MBD5: variants seen among roughly 807,000 people sequenced by gnomAD.
MBD5 encodes methyl-CpG-binding domain protein 5.
A neutral mutation model predicts 117.3 loss-of-function variants in MBD5; 13 were observed. The observed-to-expected ratio is 0.11, with a 90% CI of 0.07 to 0.18. The LOEUF is 0.18. MBD5 is among the 10% of genes least tolerant of loss of function. MBD5 has a pLI of 1.00. For missense variants in MBD5, 1,879 were observed against 2,093.8 expected (o/e 0.90, Z 2.00); for synonymous variants, 727 against 766.4 (o/e 0.95, Z 0.85).
chr2:148,426,679 G>T (rs886946061), intron 4 of MBD5, among the ~76,000 whole-genome samples: 1 of 152,086 alleles, frequency 6.6e-6, no homozygotes, highest in African/African-American at 2.4e-5. Context: ...TTACATGTTA[G>T]ACCTAAAACC....
chr2:148,420,100 G>T (rs1320673551), intron 4 of MBD5, among the ~76,000 whole-genome samples: 1 of 152,060 alleles, frequency 6.6e-6, no homozygotes, highest in Non-Finnish European at 1.5e-5. Context: ...ATACAAAATT[G>T]TTTTGAATTG....
intron 4 of MBD5, among the ~76,000 whole-genome samples, chr2:148,420,071 A>C (rs1705553588): frequency 6.6e-6 from 1 of 152,188 alleles, no homozygotes; most frequent in South Asian, 2.1e-4. Context: ...CCATTATGAC[A>C]TTAACCTTTT....
At chr2:148,181,912 A>G (rs1698542298) in intron 2 of MBD5, among the ~76,000 whole-genome samples, 1 of 151,946 alleles carries the variant, frequency 6.6e-6, no homozygotes, top group Non-Finnish European at 1.5e-5. Flanking sequence ...CTTTGTCCTA[A>G]CTATATTGCT....
At chr2:148,327,459 C>G (rs1304423485) in intron 3 of MBD5, among the ~76,000 whole-genome samples, 1 of 152,154 alleles carries the variant, frequency 6.6e-6, no homozygotes, top group African/African-American at 2.4e-5. Context: ...TTCCATTCTC[C>G]CCATCACTTT....
intron 11 of MBD5, among the ~76,000 whole-genome samples, chr2:148,497,655 C>G (rs1405500872): frequency 6.6e-6 from 1 of 151,974 alleles, no homozygotes; most frequent in Non-Finnish European, 1.5e-5. Context: ...CATGGTGGTG[C>G]ACCCCTATAA....
chr2:148,219,830 A>G (rs1240393507), intron 2 of MBD5: 1 of 152,224 alleles, frequency 6.6e-6, no homozygotes, highest in Non-Finnish European at 1.5e-5. Context: ...CTTAAGTTTA[A>G]TTGAAAAGCT....
intron 1 of MBD5, among the ~76,000 whole-genome samples, chr2:148,029,848 G>A (rs1573929453): frequency 6.6e-6 from 1 of 152,062 alleles, no homozygotes; most frequent in East Asian, 1.9e-4. Context: ...TGACATCCAA[G>A]TTTATAAGAG....
intron 3 of MBD5, among the ~76,000 whole-genome samples, chr2:148,263,615 G>A (rs1700785556): frequency 1.3e-5 from 2 of 152,116 alleles, no homozygotes; most frequent in Non-Finnish European, 2.9e-5. Context: ...ATGTATTGAA[G>A]GAAAAAGTCA....
At chr2:148,189,241 G>A (rs1484640102) in intron 2 of MBD5, among the ~76,000 whole-genome samples, 2 of 147,518 alleles carry the variant, frequency 1.4e-5, no homozygotes, top group African/African-American at 2.5e-5. Flanking sequence ...AGCTCGAACT[G>A]GGTGGAGCCC....
At chr2:148,260,977 G>C (rs1700718557) in intron 3 of MBD5, among the ~76,000 whole-genome samples, 1 of 152,194 alleles carries the variant, frequency 6.6e-6, no homozygotes, top group African/African-American at 2.4e-5. Flanking sequence ...TAGGTGCACT[G>C]TCAATGAGCA....
At chr2:148,384,911 G>T (rs1434096758) in intron 4 of MBD5, among the ~76,000 whole-genome samples, 7 of 152,038 alleles carry the variant, frequency 4.6e-5, no homozygotes, top group Non-Finnish European at 1.0e-4. Context: ...CTAGCCATAT[G>T]TAGAAAGCTG....
chr2:148,109,578 A>T (rs2105342887), intron 1 of MBD5, among the ~76,000 whole-genome samples: 1 of 152,294 alleles, frequency 6.6e-6, no homozygotes, highest in South Asian at 2.1e-4. Context: ...TATACAAATG[A>T]TCAAAAATTT....
At chr2:148,410,802 A>G (rs978271930) in intron 4 of MBD5, among the ~76,000 whole-genome samples, 14 of 152,182 alleles carry the variant, frequency 9.2e-5, no homozygotes, top group African/African-American at 2.9e-4. Flanking sequence ...TCCCCAGGCT[A>G]TCAGTCGAAT....
At chr2:148,442,307 C>T (rs974521927) in intron 4 of MBD5, among the ~76,000 whole-genome samples, 3 of 151,120 alleles carry the variant, frequency 2.0e-5, no homozygotes, top group African/African-American at 4.9e-5. Context: ...TTTTTGGTTC[C>T]AGTATGTGCA....
intron 1 of MBD5, among the ~76,000 whole-genome samples, chr2:148,150,625 G>T (rs1457675919): frequency 6.6e-6 from 1 of 151,750 alleles, no homozygotes; most frequent in Admixed American, 6.6e-5. Context: ...CTGGAGCAGT[G>T]GTTTGTAGTT....
intron 1 of MBD5, among the ~76,000 whole-genome samples, chr2:148,131,442 C>G (rs1333244520): frequency 6.6e-6 from 1 of 152,102 alleles, no homozygotes; most frequent in African/African-American, 2.4e-5. Flanking sequence ...GCCTGTAATC[C>G]TAGCACTTTG....
At chr2:148,294,745 A>T (rs1376341061) in intron 3 of MBD5, among the ~76,000 whole-genome samples, 2 of 152,052 alleles carry the variant, frequency 1.3e-5, no homozygotes, top group Admixed American at 1.3e-4. Context: ...GCCTCCAGTG[A>T]TCTGCACACC....
chr2:148,046,680 T>G (rs929679921), intron 1 of MBD5, among the ~76,000 whole-genome samples: 4 of 152,188 alleles, frequency 2.6e-5, no homozygotes, highest in Non-Finnish European at 5.9e-5. Flanking sequence ...TTATGCACAT[T>G]GCTGCTAGTT....
At chr2:148,074,452 AC>A (rs1353092326) in intron 1 of MBD5, among the ~76,000 whole-genome samples, 1 of 148,942 alleles carries the variant, frequency 6.7e-6, no homozygotes, top group Admixed American at 6.7e-5. Context: ...TTTGGATATA[AC>A]CGGAAACTAG....
Sources: gnomAD v4.1 joint callset for allele counts (sites outside exome capture counted in the v4.1 genomes callset) on GRCh38, gnomAD v4.1.1 for gene constraint, MANE v1.5 for transcripts, NCBI Gene and HGNC (gene_info 2026-07-23, HGNC 2026-07-21) for gene names.